FCF1: variants seen among roughly 807,000 people sequenced by gnomAD.
The protein encoded by FCF1 is FCF1 rRNA-processing protein.
In FCF1, 17 loss-of-function variants were observed where a neutral mutation model predicts 32.5. That is an observed-to-expected ratio of 0.52 (90% CI 0.36 to 0.78). The LOEUF (loss-of-function observed/expected upper bound fraction) is 0.78, where lower values mean the gene tolerates loss of function less well. Among genes scored for constraint, FCF1 ranks in the 30% least tolerant of loss-of-function variants. FCF1 has a pLI of 0.00. For synonymous variants in FCF1, 84 were observed against 78.4 expected, an observed-to-expected ratio of 1.07 and a Z score of -0.38; for missense variants, 201 against 241.1, an observed-to-expected ratio of 0.83 and a Z score of 1.10.
At chr14:74,725,540 A>G (rs549526875) in intron 5 of FCF1, among the ~76,000 whole-genome samples, 4 of 151,000 alleles carry the variant, frequency 2.6e-5, no homozygotes, top group African/African-American at 9.7e-5. Context: ...ATAATTCCCA[A>G]CACTTCGTGA....
chr14:74,735,326 TACAATGCCTGGGA>T lies in FCF1; in HGVS notation c.*398_*410del, dbSNP rs1356957938. 2.6e-5 allele frequency: 4 copies of T among 155,070 alleles called. No homozygotes were observed. Among genetic ancestry groups the T allele is most frequent in the Non-Finnish European group, 5.7e-5 (4 of 70,126 alleles). 9.6% of individuals were successfully genotyped at this position (155,070 alleles called of 1,614,324 possible). On this transcript the variant is annotated 3_prime_UTR_variant, in exon 8 of 8. Coordinates refer to ENST00000341162, the MANE Select transcript of FCF1 (RefSeq NM_015962.5). ...TGCACAGCTAGAGAAACAGGGTATT[TACAATGCCTGGGA>T]AAGGAGGAGAGATAAGGCTCACTAG...
In FCF1 at chr14:74,724,909, A is replaced by T. The variant is rs1033178584; in HGVS notation, c.365+1565A>T. ...GATAGAGTGAGACTCTGTCTCAAAA[A>T]AAAAAGAAAGAAATTATAAAATATT... On this transcript the variant is annotated intron_variant, in intron 5 of 7. Transcript: ENST00000341162. 2.0e-5 allele frequency among the ~76,000 whole-genome samples: 3 copies of T among 152,128 alleles called. No individual in the cohort carries two copies. The East Asian group carries it at 5.8e-4, about 29-fold the overall frequency.
chr14:74,730,953 G>C (rs532640094), intron 5 of FCF1, among the ~76,000 whole-genome samples: 1 of 151,986 alleles, frequency 6.6e-6, no homozygotes, highest in Non-Finnish European at 1.5e-5. Context: ...AGCTGGGATT[G>C]TGCCAATGCA....
At position 74,738,077 on chromosome 14, in the gene FCF1, A is replaced by T. The variant is rs546997199; in HGVS notation, c.*3147A>T. ...TAAAAATATTTCAAGTGGATCAAAG[A>T]CCTAAATTTTTTTTTTTTTTGAGAC... On this transcript the variant is annotated 3_prime_UTR_variant, in exon 8 of 8. Transcript: ENST00000341162. 6.6e-6 allele frequency: 1 copy of T among 151,260 alleles called. No homozygotes were observed. The highest frequency in any genetic ancestry group is 1.9e-4 in the East Asian group (1 of 5,160). The allele number at this position is 151,260 out of a possible 1,614,324, so 9.4% of individuals were successfully genotyped here. A position where few individuals can be genotyped will look rare whatever the true frequency, so the allele number is the denominator to read the frequency against.
chr14:74,718,989 G>A (rs1458343238), intron 4 of FCF1, among the ~76,000 whole-genome samples: 1 of 151,704 alleles, frequency 6.6e-6, no homozygotes, highest in African/African-American at 2.4e-5. Context: ...AATTAGCCAG[G>A]CGCAGCACCA....
Position 74,736,819 on chromosome 14 carries a change from G to T in FCF1, c.*1889G>T, listed in dbSNP as rs2090712364. 1 of 152,128 alleles carries T rather than the reference G, an allele frequency of 6.6e-6. No individual in the cohort carries two copies. The highest frequency in any genetic ancestry group is 1.5e-5 in the Non-Finnish European group (1 of 68,028). 9.4% of individuals were successfully genotyped at this position (152,128 alleles called of 1,614,324 possible). A position where few individuals can be genotyped will look rare whatever the true frequency, so the allele number is the denominator to read the frequency against. ...TATACTAGGTGCTTAATAAGAGATGGTCCTGCCCTCAAGACACTCATTATG... is the reference window on the plus strand; with the variant it reads ...TATACTAGGTGCTTAATAAGAGATGTTCCTGCCCTCAAGACACTCATTATG... On this transcript the variant is annotated 3_prime_UTR_variant, in exon 8 of 8. Transcript: ENST00000341162.
chr14:74,716,226 C>A, intron 4 of FCF1, 127 bp downstream of exon 4: 1 of 860,704 alleles, frequency 1.2e-6, no homozygotes, highest in Non-Finnish European at 1.8e-6. Flanking sequence ...ACAGTGGTCA[C>A]CATAGCAGTG....
At chr14:74,728,806 C>G (rs935502115) in intron 5 of FCF1, among the ~76,000 whole-genome samples, 8 of 152,200 alleles carry the variant, frequency 5.3e-5, no homozygotes, top group Admixed American at 1.3e-4. Context: ...GAGTTTTTAG[C>G]ATGAAGCGAT....
intron 5 of FCF1, among the ~76,000 whole-genome samples, chr14:74,723,553 G>T (rs1310412854): frequency 6.6e-6 from 1 of 152,008 alleles, no homozygotes; most frequent in Non-Finnish European, 1.5e-5. Context: ...AGAATATCTT[G>T]TCCGGGCTCG....
At chr14:74,730,025 A>C (rs1037740952) in intron 5 of FCF1, among the ~76,000 whole-genome samples, 1 of 152,022 alleles carries the variant, frequency 6.6e-6, no homozygotes, top group Non-Finnish European at 1.5e-5. Flanking sequence ...ACTTCCAAGT[A>C]TGTGGTCAAT....
rs761034080 is a variant in FCF1, at chr14:74,715,987, T to C, written c.180T>C (p.Asn60=). ...QHPSCLFFQY[N]TQLGPPYHIL... ...CTTCCTGCTTATTTTTCCAATATAA[T>C]ACACAGCTGGGCCCACCTTACCACA... is the stretch of plus-strand genomic sequence containing the variant. The change falls in exon 4 of 8, where the codon AAT becomes AAC. Residue 60 remains asparagine, a synonymous_variant. Coordinates refer to ENST00000341162, the MANE Select transcript of FCF1 (RefSeq NM_015962.5). The C allele has an allele frequency of 6.2e-7, 1 of 1,614,028 alleles. No homozygotes were observed. Among genetic ancestry groups the C allele is most frequent in the Non-Finnish European group, 8.5e-7 (1 of 1,179,914 alleles).
chr14:74,733,447 A>G (rs1233147029), intron 6 of FCF1, among the ~76,000 whole-genome samples: 5 of 152,206 alleles, frequency 3.3e-5, no homozygotes, highest in African/African-American at 4.8e-5. Context: ...TATTTCCCAC[A>G]GCACAGCTGA....
At chr14:74,717,728 T>C (rs547077537) in intron 4 of FCF1, among the ~76,000 whole-genome samples, 1 of 152,224 alleles carries the variant, frequency 6.6e-6, no homozygotes, top group African/African-American at 2.4e-5. Context: ...GACCTACTTA[T>C]CAATGAAACG....
In FCF1 at chr14:74,732,780, A is replaced by G. The variant is rs1301667328; in HGVS notation, c.415A>G (p.Thr139Ala). The change falls in exon 6 of 8, where the codon ACC becomes GCC. Residue 139 changes from threonine to alanine, a missense_variant. Thr to Ala is a moderately conservative substitution (Grantham distance 58, BLOSUM62 0). Around this residue, in one of 3 missense-constraint regions of FCF1, gnomAD observed 121 missense variants for 147.8 expected, o/e 0.82. Coordinates refer to ENST00000341162, the MANE Select transcript of FCF1 (RefSeq NM_015962.5). ...FERLPCTHKG[T>A]YADDCLVQRV... ...ACGATTACCATGTACACACAAAGGA[A>G]CCTATGCAGATGACTGCTTAGTACA... The G allele has an allele frequency of 6.2e-7, 1 of 1,612,956 alleles. No individual in the cohort carries two copies. The highest frequency in any genetic ancestry group is 1.3e-5 in the African/African-American group (1 of 74,888).
chr14:74,727,710 A>T (rs2090592238), intron 5 of FCF1, among the ~76,000 whole-genome samples: 1 of 152,152 alleles, frequency 6.6e-6, no homozygotes, highest in South Asian at 2.1e-4. Flanking sequence ...GGTAAAGCCT[A>T]GGTTTTCTTT....
At chr14:74,717,381 T>C (rs2090435526) in intron 4 of FCF1, among the ~76,000 whole-genome samples, 1 of 152,020 alleles carries the variant, frequency 6.6e-6, no homozygotes, top group Non-Finnish European at 1.5e-5. Context: ...CATACATTTA[T>C]TAGCTGCATA....
rs1312763884 is a variant in FCF1, at chr14:74,729,124, G to A, written c.366-3607G>A. Among the ~76,000 whole-genome samples, 16 of 152,344 alleles carry A rather than the reference G, an allele frequency of 1.1e-4. No individual in the cohort carries two copies. In the East Asian group the frequency reaches 3.1e-3, roughly 29 times the overall value. ...GGATGATGCTGGCCTCATAAAATGA[G>A]TTAGGGAGTATTCCCTCTTTTTCTG... On this transcript the variant is annotated intron_variant, in intron 5 of 7. Coordinates refer to ENST00000341162, the MANE Select transcript of FCF1 (RefSeq NM_015962.5).
At chr14:74,728,818 T>C (rs1240564782) in intron 5 of FCF1, among the ~76,000 whole-genome samples, 2 of 152,240 alleles carry the variant, frequency 1.3e-5, no homozygotes, top group African/African-American at 4.8e-5. Flanking sequence ...TGAAGCGATG[T>C]TGACTTTTGC....
At chr14:74,718,999 A>G (rs1038869230) in intron 4 of FCF1, among the ~76,000 whole-genome samples, 1 of 151,732 alleles carries the variant, frequency 6.6e-6, no homozygotes, top group Admixed American at 6.6e-5. Flanking sequence ...GCGCAGCACC[A>G]TGTGCCTGTA....
Sources: gnomAD v4.1 joint callset for allele counts (sites outside exome capture counted in the v4.1 genomes callset) on GRCh38, gnomAD v4.1.1 for gene constraint, gnomAD v4.1.1 regional missense constraint, MANE v1.5 for transcripts, NCBI Gene and HGNC (gene_info 2026-07-23, HGNC 2026-07-21) for gene names.